HCN1: variants seen among roughly 807,000 people sequenced by gnomAD.
The protein encoded by HCN1 is potassium/sodium hyperpolarization-activated cyclic nucleotide-gated channel 1.
Under a neutral mutation model 78.9 loss-of-function variants are expected in HCN1, and 13 were observed. The ratio of observed to expected loss-of-function variants is 0.16; its 90% CI spans 0.11 to 0.26. The LOEUF (loss-of-function observed/expected upper bound fraction) is 0.26. HCN1 is among the 10% of genes least tolerant of loss of function. The pLI, the probability that HCN1 is intolerant of heterozygous loss-of-function variation, is 1.00. For synonymous variants in HCN1, 552 were observed against 455.5 expected, an observed-to-expected ratio of 1.21 and a Z score of -2.70; for missense variants, 810 against 1,154.3, an observed-to-expected ratio of 0.70 and a Z score of 4.32.
At chr5:45,548,251 T>C (rs2111847000) in intron 2 of HCN1, among the ~76,000 whole-genome samples, 1 of 152,072 alleles carries the variant, frequency 6.6e-6, no homozygotes, top group South Asian at 2.1e-4. Flanking sequence ...CTTTACTTTT[T>C]TTTCACCAAG....
chr5:45,557,135 T>A (rs1743486487), intron 2 of HCN1, among the ~76,000 whole-genome samples: 2 of 152,126 alleles, frequency 1.3e-5, no homozygotes, highest in African/African-American at 4.8e-5. Context: ...TGCAGAAATA[T>A]CAAATCTTCC....
At chr5:45,488,685 TC>T (rs1321721941) in intron 2 of HCN1, among the ~76,000 whole-genome samples, 1 of 152,148 alleles carries the variant, frequency 6.6e-6, no homozygotes, top group Non-Finnish European at 1.5e-5. Context: ...AAGGTTGCAG[TC>T]CTACTGAGAA....
chr5:45,441,697 G>A (rs1032568163), intron 3 of HCN1, among the ~76,000 whole-genome samples: 1 of 152,122 alleles, frequency 6.6e-6, no homozygotes, highest in South Asian at 2.1e-4. Context: ...TTCTTTAAAT[G>A]AAATATTTGG....
intron 2 of HCN1, among the ~76,000 whole-genome samples, chr5:45,492,296 ATGTGTGTGTG>A (rs375423075): frequency 1.4e-5 from 2 of 140,906 alleles, no homozygotes; most frequent in African/African-American, 5.3e-5. Flanking sequence ...AACTCTGTGT[ATGTGTGTGTG>A]TGTGTGTGTG....
At chr5:45,393,062 T>A (rs1739615071) in intron 4 of HCN1, among the ~76,000 whole-genome samples, 1 of 152,156 alleles carries the variant, frequency 6.6e-6, no homozygotes, top group Admixed American at 6.6e-5. Flanking sequence ...TGATTCACAG[T>A]TTCAGGATGC....
chr5:45,520,126 G>A (rs1193279022), intron 2 of HCN1, among the ~76,000 whole-genome samples: 3 of 151,918 alleles, frequency 2.0e-5, no homozygotes, highest in African/African-American at 7.2e-5. Context: ...GCTTAGGTTG[G>A]TCCATTCTGT....
At chr5:45,286,189 C>A (rs1745267593) in intron 6 of HCN1, among the ~76,000 whole-genome samples, 2 of 151,770 alleles carry the variant, frequency 1.3e-5, no homozygotes, top group African/African-American at 4.8e-5. Context: ...ATAATGTTAT[C>A]TTTACCTACT....
intron 2 of HCN1, among the ~76,000 whole-genome samples, chr5:45,593,291 TTCTCTCTC>T (rs372080697): frequency 0.065 from 8,072 of 123,624 alleles, 265 homozygotes; most frequent in Middle Eastern, 0.11. Flanking sequence ...TAGAGGTATA[TTCTCTCTC>T]TCTCTCTCTC....
chr5:45,686,042 T>C lies in HCN1; in HGVS notation c.425+9627A>G, dbSNP rs75226814. ...GAGCATAACTTCTAAGCACTACATA[T>C]ATAGAAATGTTTATATAGCATATAC... is the stretch of plus-strand genomic sequence containing the variant. On this transcript the variant is annotated intron_variant, in intron 1 of 7. Transcript: ENST00000303230. Among the ~76,000 whole-genome samples the C allele has an allele frequency of 5.0e-3, 763 of 152,124 alleles. 4 individuals are homozygous for C. The highest frequency in any genetic ancestry group is 0.018 in the African/African-American group (727 of 41,534).
chr5:45,582,469 G>C (rs888898808), intron 2 of HCN1, among the ~76,000 whole-genome samples: 3 of 152,124 alleles, frequency 2.0e-5, no homozygotes, highest in African/African-American at 4.8e-5. Flanking sequence ...TCTGCAAACA[G>C]GGACAATTTG....
intron 6 of HCN1, among the ~76,000 whole-genome samples, chr5:45,276,999 A>G (rs1374582438): frequency 2.0e-5 from 3 of 152,090 alleles, no homozygotes; most frequent in African/African-American, 7.2e-5. Context: ...TGACAGGATC[A>G]TAAGTATTTG....
chr5:45,437,097 G>T (rs1387531124), intron 3 of HCN1, among the ~76,000 whole-genome samples: 1 of 152,090 alleles, frequency 6.6e-6, no homozygotes, highest in East Asian at 1.9e-4. Flanking sequence ...CAAAAGAAAT[G>T]CATGCAGTTT....
At chr5:45,433,472 C>A (rs1317977702) in intron 3 of HCN1, among the ~76,000 whole-genome samples, 1 of 151,760 alleles carries the variant, frequency 6.6e-6, no homozygotes, top group South Asian at 2.1e-4. Flanking sequence ...GGTATCGCTG[C>A]ACACGAGATG....
rs1744594626 is a variant in HCN1 at position 45,255,675 on chromosome 5, G to A, written c.*6246C>T. On this transcript the variant is annotated 3_prime_UTR_variant, in exon 8 of 8. Transcript: ENST00000303230. ...GGAAACTAAGACCTTGAACAAATAT[G>A]AGAAAGAAATGAGAATACATTTGGA... The A allele has an allele frequency of 6.6e-6, 1 of 152,198 alleles. No individual in the cohort carries two copies. The highest frequency in any genetic ancestry group is 6.5e-5 in the Admixed American group (1 of 15,284). 9.4% of individuals were successfully genotyped at this position (152,198 alleles called of 1,614,324 possible).
intron 2 of HCN1, among the ~76,000 whole-genome samples, chr5:45,505,390 T>C (rs1742278405): frequency 6.6e-6 from 1 of 152,184 alleles, no homozygotes. Context: ...TTTCTCAGGT[T>C]TGTCAAAGAT....
intron 2 of HCN1, among the ~76,000 whole-genome samples, chr5:45,494,860 C>A (rs936912019): frequency 3.2e-4 from 48 of 152,116 alleles, no homozygotes; most frequent in African/African-American, 1.1e-3. Context: ...ATAGGGAATT[C>A]TTTCCCCATT....
At chr5:45,471,745 T>C (rs1038683644) in intron 2 of HCN1, among the ~76,000 whole-genome samples, 2 of 151,988 alleles carry the variant, frequency 1.3e-5, no homozygotes, top group African/African-American at 4.8e-5. Context: ...ATTAACTGCA[T>C]GTTTGAGCTT....
At chr5:45,443,443 T>C (rs1335495270) in intron 3 of HCN1, among the ~76,000 whole-genome samples, 2 of 152,100 alleles carry the variant, frequency 1.3e-5, no homozygotes, top group Admixed American at 6.5e-5. Flanking sequence ...GTTTATTTCA[T>C]ACAGATTTAA....
intron 4 of HCN1, among the ~76,000 whole-genome samples, chr5:45,371,888 TATA>T (rs1292846811): frequency 2.1e-5 from 2 of 94,916 alleles, no homozygotes; most frequent in African/African-American, 5.5e-5. Context: ...ATGAAATAAA[TATA>T]ATATACATTA....
Sources: gnomAD v4.1 joint callset for allele counts (sites outside exome capture counted in the v4.1 genomes callset) on GRCh38, gnomAD v4.1.1 for gene constraint, MANE v1.5 for transcripts, NCBI Gene and HGNC (gene_info 2026-07-23, HGNC 2026-07-21) for gene names.